MAN2A1: variants seen among roughly 807,000 people sequenced by gnomAD.
MAN2A1 encodes the protein mannosidase alpha class 2A member 1, also known as alpha-mannosidase 2.
A neutral mutation model predicts 142.6 loss-of-function variants in MAN2A1; 76 were observed. The observed-to-expected ratio is 0.53, with a 90% CI of 0.44 to 0.65. MAN2A1 has a LOEUF of 0.65. MAN2A1 is among the 30% of genes least tolerant of loss of function. MAN2A1 has a pLI of 0.00. For missense variants in MAN2A1, 1,311 were observed against 1,365.1 expected (o/e 0.96, Z 0.62); for synonymous variants, 559 against 473.2 (o/e 1.18, Z -2.35).
At chr5:109,722,342 A>G (rs2112573864) in intron 3 of MAN2A1, among the ~76,000 whole-genome samples, 2 of 152,296 alleles carry the variant, frequency 1.3e-5, no homozygotes, top group East Asian at 3.9e-4. Context: ...TGAGATAGTG[A>G]GTGATTTTCC....
intron 3 of MAN2A1, among the ~76,000 whole-genome samples, chr5:109,716,546 T>C (rs913097396): frequency 6.6e-5 from 10 of 152,248 alleles, no homozygotes; most frequent in African/African-American, 2.4e-4. Context: ...AAGAGACTGC[T>C]TGTTCATTTT....
rs951187990 is a variant in MAN2A1 at position 109,836,287 on chromosome 5, G to T, written c.2567-6041G>T. ...ACCACACCTGGCTAATTTTTGTGGG[G>T]TTTTTTTTTAGTAAAGACAGTGTTT... is the stretch of plus-strand genomic sequence containing the variant. On this transcript the variant is annotated intron_variant, in intron 16 of 21. Transcript: ENST00000261483. Among the ~76,000 whole-genome samples, 32 of 150,768 alleles carry T rather than the reference G, an allele frequency of 2.1e-4. 1 individual carries two copies. The highest frequency in any genetic ancestry group is 5.3e-4 in the Admixed American group (8 of 15,148).
intron 3 of MAN2A1, among the ~76,000 whole-genome samples, chr5:109,717,403 T>C (rs1395925436): frequency 1.3e-5 from 2 of 152,200 alleles, no homozygotes; most frequent in African/African-American, 4.8e-5. Context: ...ATTGAAATGC[T>C]TGGATTTCTA....
chr5:109,781,166 C>G (rs1327035690), intron 8 of MAN2A1, among the ~76,000 whole-genome samples: 4 of 151,990 alleles, frequency 2.6e-5, no homozygotes, highest in African/African-American at 9.7e-5. Context: ...CTCCTTTTAA[C>G]TGCTGAAGTG....
chr5:109,838,708 C>A (rs1313506168), intron 16 of MAN2A1, among the ~76,000 whole-genome samples: 1 of 152,156 alleles, frequency 6.6e-6, no homozygotes, highest in African/African-American at 2.4e-5. Context: ...TTGGCTTGTT[C>A]ATAATAAGCA....
chr5:109,788,829 T>C, intron 10 of MAN2A1, 105 bp from the exon 11 acceptor site: 1 of 617,560 alleles, frequency 1.6e-6, no homozygotes, highest in Non-Finnish European at 2.9e-6. Flanking sequence ...TCACTTTGAA[T>C]ACAAGATGAA....
At chr5:109,853,641 C>T (rs1257994139) in intron 19 of MAN2A1, 5 of 152,096 alleles carry the variant, frequency 3.3e-5, no homozygotes, top group Non-Finnish European at 5.9e-5. Context: ...GAGGTGTTTT[C>T]TTTTCTGTTT....
At chr5:109,784,305 C>G (rs1753540021) in intron 9 of MAN2A1, among the ~76,000 whole-genome samples, 1 of 152,150 alleles carries the variant, frequency 6.6e-6, no homozygotes, top group Admixed American at 6.6e-5. Flanking sequence ...CCGACCATGC[C>G]TTTCTTTCTC....
intron 20 of MAN2A1, among the ~76,000 whole-genome samples, chr5:109,858,054 G>A (rs1755668526): frequency 6.6e-6 from 1 of 152,230 alleles, no homozygotes; most frequent in Admixed American, 6.5e-5. Flanking sequence ...CAACTTGGTT[G>A]CAGATTAGGG....
At chr5:109,847,428 C>A (rs534778650) in intron 18 of MAN2A1, among the ~76,000 whole-genome samples, 3 of 152,218 alleles carry the variant, frequency 2.0e-5, no homozygotes, top group African/African-American at 7.2e-5. Flanking sequence ...TATTGTGAAA[C>A]ATTACTAAAG....
At position 109,791,207 on chromosome 5, in the gene MAN2A1, A is replaced by G. The variant is rs374621374; in HGVS notation, c.1943+1680A>G. On this transcript the variant is annotated intron_variant, in intron 12 of 21. Transcript: ENST00000261483. ...TTTTTTTATCAAATATTGACTTCCT[A>G]TTTCTGTAGGTTGGTAAATTAGGAA... Among the ~76,000 whole-genome samples the G allele has an allele frequency of 2.6e-4, 40 of 151,688 alleles. 1 individual carries two copies. In the East Asian group the frequency reaches 7.6e-3, roughly 29 times the overall value.
At chr5:109,854,585 G>A (rs894696398) in intron 19 of MAN2A1, 1 of 152,094 alleles carries the variant, frequency 6.6e-6, no homozygotes, top group African/African-American at 2.4e-5. Flanking sequence ...TTAAAAATTG[G>A]ATTTATTTTG....
Position 109,868,780 on chromosome 5 carries a change from G to C in MAN2A1, c.*1782G>C, listed in dbSNP as rs529747736. The C allele has an allele frequency of 1.3e-5, 2 of 152,134 alleles. No homozygotes were observed. Among genetic ancestry groups the C allele is most frequent in the Admixed American group, 1.3e-4 (2 of 15,280 alleles). The allele number at this position is 152,134 out of a possible 1,614,324, so 9.4% of individuals were successfully genotyped here. A position where few individuals can be genotyped will look rare whatever the true frequency, so the allele number is the denominator to read the frequency against. ...AAAAAAGAAAAAGGACTTCCTTTTT[G>C]TGGACATCTACAGATGTTAGGGTTG... On this transcript the variant is annotated 3_prime_UTR_variant, in exon 22 of 22. Transcript: ENST00000261483.
At chr5:109,788,257 A>G (rs1338464684) in intron 10 of MAN2A1, among the ~76,000 whole-genome samples, 1 of 151,236 alleles carries the variant, frequency 6.6e-6, no homozygotes, top group Non-Finnish European at 1.5e-5. Flanking sequence ...TTCTTTTTCC[A>G]TGAGTAATGC....
intron 1 of MAN2A1, among the ~76,000 whole-genome samples, chr5:109,707,553 GTAA>G (rs1260945193): frequency 1.3e-5 from 2 of 152,150 alleles, no homozygotes; most frequent in Non-Finnish European, 2.9e-5. Flanking sequence ...ATAGATAATT[GTAA>G]TAACACTGTG....
In MAN2A1 at chr5:109,716,203, T is replaced by G. The variant is rs527283761; in HGVS notation, c.474T>G (p.Ser158=). 6.2e-7 allele frequency: 1 copy of G among 1,612,158 alleles called. No individual in the cohort carries two copies. Among genetic ancestry groups the G allele is most frequent in the East Asian group, 2.2e-5 (1 of 44,808 alleles). The change falls in exon 3 of 22, where the codon TCT becomes TCG. Residue 158 remains serine, a synonymous_variant. Transcript: ENST00000261483. ...WKQGFDITYE[S]NEWDTEPLQV... Reference sequence around the variant, plus strand: ...AAGGATTTGACATTACTTATGAATCTAATGAATGGGACACTGAACCCCTTC... The same window carrying G: ...AAGGATTTGACATTACTTATGAATCGAATGAATGGGACACTGAACCCCTTC...
chr5:109,840,378 C>G (rs1367536205), intron 16 of MAN2A1: 1 of 383,778 alleles, frequency 2.6e-6, no homozygotes, highest in South Asian at 2.3e-5. Context: ...TTTAGGTCAT[C>G]TCCAGAGAAA....
chr5:109,719,623 G>A (rs948527521), intron 3 of MAN2A1, among the ~76,000 whole-genome samples: 1 of 152,024 alleles, frequency 6.6e-6, no homozygotes, highest in Non-Finnish European at 1.5e-5. Context: ...TTTAAAACAA[G>A]CTTTAGCATA....
chr5:109,751,365 T>TTA (rs1458134806), intron 4 of MAN2A1, among the ~76,000 whole-genome samples: 1 of 152,056 alleles, frequency 6.6e-6, no homozygotes, highest in East Asian at 1.9e-4. Flanking sequence ...ATTCCATTGT[T>TTA]TATATATATA....
Sources: gnomAD v4.1 joint callset for allele counts (sites outside exome capture counted in the v4.1 genomes callset) on GRCh38, gnomAD v4.1.1 for gene constraint, MANE v1.5 for transcripts, NCBI Gene and HGNC (gene_info 2026-07-23, HGNC 2026-07-21) for gene names.